PLCB1: variants seen among roughly 807,000 people sequenced by gnomAD.
PLCB1 encodes phospholipase C beta 1.
Under a neutral mutation model 161.8 loss-of-function variants are expected in PLCB1, and 46 were observed. The ratio of observed to expected loss-of-function variants is 0.28; its 90% CI spans 0.22 to 0.36. PLCB1 has a LOEUF of 0.36. Ranked by LOEUF, PLCB1 falls within the 10% of genes least tolerant of loss-of-function variation. The pLI, the probability that PLCB1 is intolerant of heterozygous loss-of-function variation, is 1.00. For synonymous variants in PLCB1, 517 were observed against 503.7 expected (o/e 1.03, Z -0.35); for missense variants, 1,016 against 1,472.5 (o/e 0.69, Z 5.07).
At chr20:8,362,930 C>A (rs924266189) in intron 2 of PLCB1, among the ~76,000 whole-genome samples, 2 of 152,114 alleles carry the variant, frequency 1.3e-5, no homozygotes, top group African/African-American at 4.8e-5. Flanking sequence ...TACATAGGGT[C>A]AATGATCCTG....
In PLCB1 at chr20:8,727,448, A is replaced by G. The variant is rs149664182; in HGVS notation, c.1763+55A>G. On this transcript the variant is annotated intron_variant, in intron 17 of 31. Transcript: ENST00000338037. ...ATGAACACAGCTGAAGTCTTGTGCT[A>G]TTTGTTCATTTGGTTTTTTAATAAG... The G allele has an allele frequency of 1.6e-3, 1,561 of 952,228 alleles. 15 individuals are homozygous for G. The African/African-American group carries it at 0.023, about 14-fold the overall frequency. 59.0% of individuals were successfully genotyped at this position (952,228 alleles called of 1,614,324 possible).
At chr20:8,860,536 G>T (rs2327118) in intron 31 of PLCB1, among the ~76,000 whole-genome samples, 1 of 151,932 alleles carries the variant, frequency 6.6e-6, no homozygotes, top group Non-Finnish European at 1.5e-5. Flanking sequence ...GTTTTATACT[G>T]TTCAAGACTC....
intron 3 of PLCB1, among the ~76,000 whole-genome samples, chr20:8,435,230 G>A (rs1980244909): frequency 6.6e-6 from 1 of 152,128 alleles, no homozygotes; most frequent in Non-Finnish European, 1.5e-5. Flanking sequence ...ACAAGACTAT[G>A]GAGTGTAGAT....
intron 3 of PLCB1, among the ~76,000 whole-genome samples, chr20:8,416,710 A>T (rs528968882): frequency 6.6e-6 from 1 of 152,158 alleles, no homozygotes; most frequent in Non-Finnish European, 1.5e-5. Flanking sequence ...AGATGGAAGG[A>T]TTTGAGCCAA....
chr20:8,142,643 G>T (rs543533437), intron 1 of PLCB1, among the ~76,000 whole-genome samples: 275 of 152,296 alleles, frequency 1.8e-3, no homozygotes, highest in Non-Finnish European at 3.3e-3. Context: ...AGCCCTTAAA[G>T]AAATTCAGAA....
intron 3 of PLCB1, among the ~76,000 whole-genome samples, chr20:8,487,627 T>C (rs1982783401): frequency 6.6e-6 from 1 of 152,170 alleles, no homozygotes; most frequent in African/African-American, 2.4e-5. Flanking sequence ...CTTTCTTAAT[T>C]GGCTTCAGTC....
At chr20:8,237,047 T>C (rs1325063890) in intron 2 of PLCB1, among the ~76,000 whole-genome samples, 1 of 152,102 alleles carries the variant, frequency 6.6e-6, no homozygotes, top group Non-Finnish European at 1.5e-5. Flanking sequence ...GCTTTTCTGG[T>C]AGCCTTTGGC....
chr20:8,750,523 T>C (rs1374634814), intron 23 of PLCB1, among the ~76,000 whole-genome samples: 2 of 152,252 alleles, frequency 1.3e-5, no homozygotes, highest in African/African-American at 2.4e-5. Flanking sequence ...TAAATCCCTC[T>C]ATCCATTTAT....
intron 31 of PLCB1, among the ~76,000 whole-genome samples, chr20:8,812,970 A>G (rs1395349609): frequency 6.6e-6 from 1 of 152,110 alleles, no homozygotes; most frequent in Non-Finnish European, 1.5e-5. Context: ...AATTATAGCC[A>G]TTTCCCGAGC....
intron 3 of PLCB1, among the ~76,000 whole-genome samples, chr20:8,386,088 A>G (rs1225661305): frequency 6.6e-6 from 1 of 152,208 alleles, no homozygotes; most frequent in Non-Finnish European, 1.5e-5. Context: ...CACTGAAGTC[A>G]AAGTCGTCCA....
intron 26 of PLCB1, among the ~76,000 whole-genome samples, chr20:8,767,008 A>G (rs573609636): frequency 6.6e-6 from 1 of 152,230 alleles, no homozygotes; most frequent in Non-Finnish European, 1.5e-5. Context: ...AGATCGTAAA[A>G]TATGGGGTCA....
intron 2 of PLCB1, among the ~76,000 whole-genome samples, chr20:8,152,924 T>G (rs1413834082): frequency 1.3e-5 from 2 of 152,114 alleles, no homozygotes; most frequent in African/African-American, 4.8e-5. Flanking sequence ...ATGGCCACAT[T>G]TTATGATGTT....
chr20:8,150,451 A>T, intron 2 of PLCB1, 80 bp downstream of exon 2: 1 of 580,246 alleles, frequency 1.7e-6, no homozygotes, highest in Non-Finnish European at 3.1e-6. Context: ...TATCTATAGA[A>T]GAACATCCAT....
intron 11 of PLCB1, among the ~76,000 whole-genome samples, chr20:8,698,269 GT>G (rs1186842472): frequency 6.6e-6 from 1 of 152,062 alleles, no homozygotes; most frequent in East Asian, 1.9e-4. Context: ...TATTACAGTG[GT>G]CCCTACTTTG....
intron 25 of PLCB1, among the ~76,000 whole-genome samples, chr20:8,761,692 A>G (rs945370948): frequency 6.7e-6 from 1 of 150,082 alleles, no homozygotes. Context: ...CTAATTTTGT[A>G]TTTTTAGTAG....
chr20:8,454,927 G>A (rs1981232622), intron 3 of PLCB1, among the ~76,000 whole-genome samples: 1 of 151,890 alleles, frequency 6.6e-6, no homozygotes, highest in South Asian at 2.1e-4. Context: ...CACATGTCTT[G>A]AACGTGGTCT....
chr20:8,212,444 A>G lies in PLCB1; in HGVS notation c.177+62073A>G, dbSNP rs200328505. 1.3e-3 allele frequency among the ~76,000 whole-genome samples: 198 copies of G among 152,250 alleles called. 1 individual carries two copies. The highest frequency in any genetic ancestry group is 4.7e-3 in the African/African-American group (196 of 41,570). ...CGGTGGGTGAAAAGAGCCCTGGAGT[A>G]AGATTCTGACAGGAGACTTCCTCTT... On this transcript the variant is annotated intron_variant, in intron 2 of 31. Transcript: ENST00000338037.
chr20:8,641,943 G>A (rs960479848), intron 4 of PLCB1, among the ~76,000 whole-genome samples: 8 of 152,078 alleles, frequency 5.3e-5, no homozygotes, highest in Non-Finnish European at 1.2e-4. Context: ...TACAGGAAAC[G>A]ACCCATTGCA....
chr20:8,444,670 G>T (rs140873210), intron 3 of PLCB1, among the ~76,000 whole-genome samples: 127 of 152,308 alleles, frequency 8.3e-4, no homozygotes, highest in African/African-American at 3.0e-3. Flanking sequence ...CACCAACAAT[G>T]TAAAAGTGTT....
Sources: allele counts gnomAD v4.1 joint callset (sites outside exome capture counted in the v4.1 genomes callset), GRCh38; gene constraint gnomAD v4.1.1; transcripts MANE v1.5; gene names NCBI Gene and HGNC (gene_info 2026-07-23, HGNC 2026-07-21).